TSHZ3: variants seen among roughly 807,000 people sequenced by gnomAD.
TSHZ3 encodes the protein teashirt zinc finger homeobox 3, also known as teashirt homolog 3.
TSHZ3 carries 10 observed loss-of-function variants against 64.5 expected under a neutral mutation model. The ratio of observed to expected loss-of-function variants is 0.16; its 90% CI spans 0.10 to 0.26. The LOEUF (loss-of-function observed/expected upper bound fraction) is 0.26. Among genes scored for constraint, TSHZ3 ranks in the 10% least tolerant of loss-of-function variants. The pLI, the probability that TSHZ3 is intolerant of heterozygous loss-of-function variation, is 1.00. For missense variants in TSHZ3, 1,242 were observed against 1,421.7 expected, an observed-to-expected ratio of 0.87 and a Z score of 2.03; for synonymous variants, 608 against 593.1, an observed-to-expected ratio of 1.03 and a Z score of -0.36.
At chr19:31,190,432 G>A (rs1041752624) in intron 5 of TSHZ3, among the ~76,000 whole-genome samples, 1 of 152,058 alleles carries the variant, frequency 6.6e-6, no homozygotes, top group Non-Finnish European at 1.5e-5. Context: ...ATTCAGTTGA[G>A]ACCCCATACA....
chr19:31,276,377 A>T lies in TSHZ3; in HGVS notation c.*170T>A, dbSNP rs554362621. ...ATTTTACCAGTAACAACAGCTGATT[A>T]TGCACCTCTATTAAACACTGTACAG... On this transcript the variant is annotated 3_prime_UTR_variant, in exon 2 of 2. Coordinates refer to ENST00000240587, the MANE Select transcript of TSHZ3 (RefSeq NM_020856.4). The T allele has an allele frequency of 1.8e-6, 1 of 541,598 alleles. No individual in the cohort carries two copies. Among genetic ancestry groups the T allele is most frequent in the South Asian group, 4.9e-5 (1 of 20,250 alleles). 33.5% of individuals were successfully genotyped at this position (541,598 alleles called of 1,614,324 possible). A position where few individuals can be genotyped will look rare whatever the true frequency, so the allele number is the denominator to read the frequency against.
intron 1 of TSHZ3, among the ~76,000 whole-genome samples, chr19:31,329,995 A>T (rs967543038): frequency 1.3e-5 from 2 of 152,212 alleles, no homozygotes; most frequent in Non-Finnish European, 2.9e-5. Context: ...ATGAAATTCC[A>T]TTATAACTGG....
At chr19:31,204,800 G>T (rs1975141837) in intron 5 of TSHZ3, 1 of 152,218 alleles carries the variant, frequency 6.6e-6, no homozygotes, top group Admixed American at 6.5e-5. Context: ...GCTGCAAGGT[G>T]CACTGCGTCT....
chr19:31,297,499 C>T (rs780433375), intron 1 of TSHZ3, among the ~76,000 whole-genome samples: 11 of 152,202 alleles, frequency 7.2e-5, no homozygotes, highest in African/African-American at 2.4e-4. Context: ...TTTTAAGAGA[C>T]AAGGTCTTGT....
intron 1 of TSHZ3, among the ~76,000 whole-genome samples, chr19:31,313,113 C>G (rs1248952538): frequency 6.6e-6 from 1 of 152,052 alleles, no homozygotes; most frequent in African/African-American, 2.4e-5. Context: ...GCCAAACCTG[C>G]TTGGGGGCAA....
chr19:31,223,067 G>A (rs1020118780), intron 4 of TSHZ3, among the ~76,000 whole-genome samples: 9 of 152,140 alleles, frequency 5.9e-5, no homozygotes, highest in Admixed American at 2.0e-4. Flanking sequence ...TCTGTTGAGA[G>A]GGCATTAGAG....
At chr19:31,154,061 A>G (rs895749467) in intron 6 of TSHZ3, among the ~76,000 whole-genome samples, 5 of 152,104 alleles carry the variant, frequency 3.3e-5, no homozygotes, top group African/African-American at 1.2e-4. Context: ...CCTTAAGAGA[A>G]CTTGCATGTT....
intron 5 of TSHZ3, among the ~76,000 whole-genome samples, chr19:31,196,957 T>C (rs1293875348): frequency 6.6e-6 from 1 of 152,020 alleles, no homozygotes. Context: ...ATCAATCAAC[T>C]GTATATAATT....
At chr19:31,299,047 T>C (rs1435187909) in intron 1 of TSHZ3, among the ~76,000 whole-genome samples, 3 of 152,032 alleles carry the variant, frequency 2.0e-5, no homozygotes, top group Non-Finnish European at 4.4e-5. Flanking sequence ...GTACGAAAAT[T>C]AGCCGGGCGT....
At chr19:31,333,765 T>C (rs933397296) in intron 1 of TSHZ3, among the ~76,000 whole-genome samples, 5 of 152,120 alleles carry the variant, frequency 3.3e-5, no homozygotes, top group African/African-American at 1.2e-4. Context: ...CAGGCCCCCA[T>C]GAAACTTGGC....
chr19:31,182,240 A>C (rs1345559519), intron 5 of TSHZ3, among the ~76,000 whole-genome samples: 5 of 152,206 alleles, frequency 3.3e-5, no homozygotes, highest in Admixed American at 3.3e-4. Context: ...ACATCTTCCC[A>C]AATAAACATT....
intron 5 of TSHZ3, among the ~76,000 whole-genome samples, chr19:31,198,741 A>G (rs979978898): frequency 9.9e-5 from 15 of 152,186 alleles, no homozygotes; most frequent in South Asian, 2.1e-4. Flanking sequence ...TACAAAATCT[A>G]TATGAAGAAA....
At chr19:31,202,435 T>A (rs1975101590) in intron 5 of TSHZ3, among the ~76,000 whole-genome samples, 1 of 152,170 alleles carries the variant, frequency 6.6e-6, no homozygotes, top group Non-Finnish European at 1.5e-5. Flanking sequence ...CCAAGCTATT[T>A]GCTGTTTTGT....
At chr19:31,182,198 A>G (rs74325173) in intron 5 of TSHZ3, among the ~76,000 whole-genome samples, 3,794 of 152,314 alleles carry the variant, frequency 0.025, 77 homozygotes, top group South Asian at 0.097. Flanking sequence ...CACCTTTTCC[A>G]GAGGCATTGA....
Position 31,329,089 on chromosome 19 carries a change from C to T in TSHZ3, c.40+20091G>A, listed in dbSNP as rs1042345925. 3.9e-5 allele frequency among the ~76,000 whole-genome samples: 6 copies of T among 152,280 alleles called. No homozygotes were observed. In the South Asian group the frequency reaches 1.2e-3, roughly 32 times the overall value. ...CATTTCATCATTAAATTACACTAGG[C>T]TCCCAATCTTCATGCGGCACATGTA... On this transcript the variant is annotated intron_variant, in intron 1 of 1. Transcript: ENST00000240587.
chr19:31,213,356 C>A (rs1385903536), intron 4 of TSHZ3, among the ~76,000 whole-genome samples: 15 of 23,286 alleles, frequency 6.4e-4, no homozygotes, highest in Admixed American at 4.5e-3. Flanking sequence ...GACTCTGTCT[C>A]AAAAAAAAAA....
intron 5 of TSHZ3, among the ~76,000 whole-genome samples, chr19:31,163,761 T>C (rs960922101): frequency 3.9e-5 from 6 of 152,046 alleles, no homozygotes; most frequent in Non-Finnish European, 7.4e-5. Context: ...AAGATGACTA[T>C]GGCCCCAGTG....
intron 5 of TSHZ3, among the ~76,000 whole-genome samples, chr19:31,177,669 T>C (rs990318778): frequency 6.6e-5 from 10 of 152,224 alleles, no homozygotes; most frequent in Non-Finnish European, 1.5e-4. Context: ...AATGTAACAG[T>C]CATAAGTTCT....
chr19:31,349,481 A>AGGAGGAGGC, upstream of TSHZ3: 1 of 334,868 alleles, frequency 3.0e-6, no homozygotes, highest in Non-Finnish European at 5.3e-6. Context: ...CACGGGGGGG[A>AGGAGGAGGC]GGAGGAGGCA....
Sources: allele counts gnomAD v4.1 joint callset (sites outside exome capture counted in the v4.1 genomes callset), GRCh38; gene constraint gnomAD v4.1.1; transcripts MANE v1.5; gene names NCBI Gene and HGNC (gene_info 2026-07-23, HGNC 2026-07-21).